Variants in SCN1A observed in about 807,000 individuals in gnomAD.
SCN1A encodes sodium channel protein type 1 subunit alpha.
SCN1A carries 13 observed loss-of-function variants against 193.7 expected under a neutral mutation model. The observed-to-expected ratio is 0.07, with a 90% CI of 0.04 to 0.11. The LOEUF (loss-of-function observed/expected upper bound fraction) is 0.11, where lower values mean the gene tolerates loss of function less well. Ranked by LOEUF, SCN1A falls within the 10% of genes least tolerant of loss-of-function variation. The pLI is 1.00. For missense variants in SCN1A, 1,432 were observed against 2,451.1 expected, an observed-to-expected ratio of 0.58 and a Z score of 8.78; for synonymous variants, 781 against 843.6, an observed-to-expected ratio of 0.93 and a Z score of 1.29.
chr2:166,070,866 T>C (rs926167420), intron 4 of SCN1A, among the ~76,000 whole-genome samples: 1 of 152,218 alleles, frequency 6.6e-6, no homozygotes, highest in African/African-American at 2.4e-5. Context: ...ATTCATTTAT[T>C]ATTTTACAAA....
chr2:166,000,881 C>G (rs901399986), intron 24 of SCN1A, among the ~76,000 whole-genome samples: 4 of 146,726 alleles, frequency 2.7e-5, no homozygotes, highest in Non-Finnish European at 6.0e-5. Flanking sequence ...AAATGTGAAG[C>G]AGTATTTTAG....
intron 2 of SCN1A, among the ~76,000 whole-genome samples, chr2:166,079,148 C>T (rs1467042642): frequency 6.6e-6 from 1 of 151,572 alleles, no homozygotes; most frequent in Non-Finnish European, 1.5e-5. Context: ...TGTAGACCTT[C>T]TATGTCTGTA....
chr2:166,018,478 G>T (rs1038762863), intron 19 of SCN1A, among the ~76,000 whole-genome samples: 2 of 151,936 alleles, frequency 1.3e-5, no homozygotes, highest in Admixed American at 6.6e-5. Flanking sequence ...TTAATATTCA[G>T]ATATTCATCT....
intron 2 of SCN1A, among the ~76,000 whole-genome samples, chr2:166,097,928 A>T (rs761077443): frequency 6.6e-6 from 1 of 152,228 alleles, no homozygotes; most frequent in African/African-American, 2.4e-5. Context: ...GAAAACTTTT[A>T]TCTAGATAAA....
At chr2:166,094,694 G>T (rs1471008427) in intron 2 of SCN1A, among the ~76,000 whole-genome samples, 1 of 151,506 alleles carries the variant, frequency 6.6e-6, no homozygotes, top group Admixed American at 6.6e-5. Context: ...GAGTAGAATA[G>T]AATTTAACAA....
rs774937055 is a variant in SCN1A, at chr2:166,046,954, G to C, written c.1193C>G (p.Thr398Arg). Reference protein sequence around the residue: ...YQLTLRAAGKTYMIFFVLVIF... With the variant: ...YQLTLRAAGKRYMIFFVLVIF... ...GACCAATACAAAAAATATCATGTAC[G>C]TTTTCCCAGCAGCACGTAATGTCTG... Residue 398 changes from threonine (T) to arginine (R), a missense_variant, in exon 12 of 29, where the codon ACG becomes AGG. Coordinates refer to ENST00000674923, the MANE Select transcript of SCN1A (RefSeq NM_001165963.4). The C allele has an allele frequency of 6.2e-7, 1 of 1,613,704 alleles. No individual in the cohort carries two copies. The highest frequency in any genetic ancestry group is 1.1e-5 in the South Asian group (1 of 91,064).
In SCN1A at chr2:165,999,686, A is replaced by G. The variant is rs776051696; in HGVS notation, c.4338+37T>C. On this transcript the variant is annotated intron_variant, in intron 25 of 28. Coordinates refer to ENST00000674923, the MANE Select transcript of SCN1A (RefSeq NM_001165963.4). ...TTCGATTAATTTTACCACCTGATCA[A>G]TATTGTAAAAAGACTTAGAATACAA... 3 of 1,386,554 alleles carry G rather than the reference A, an allele frequency of 2.2e-6. No homozygotes were observed. In the South Asian group the frequency reaches 3.5e-5, roughly 16 times the overall value. The allele number at this position is 1,386,554 out of a possible 1,614,324, so 85.9% of individuals were successfully genotyped here.
intron 2 of SCN1A, among the ~76,000 whole-genome samples, chr2:166,116,577 ATT>A (rs1689886790): frequency 3.7e-4 from 1 of 2,690 alleles, no homozygotes; most frequent in Admixed American, 0.017. Flanking sequence ...TAATCTGATA[ATT>A]CATCAGATTC....
chr2:165,994,066 G>A, intron 28 of SCN1A, 80 bp downstream of exon 28: 1 of 1,113,246 alleles, frequency 9.0e-7, no homozygotes, highest in Non-Finnish European at 1.3e-6. Flanking sequence ...CTGATTGCTG[G>A]GATGATCTTG....
intron 9 of SCN1A, 147 bp downstream of exon 9, chr2:166,051,572 G>T (rs1698555512): frequency 8.7e-6 from 5 of 576,264 alleles, no homozygotes; most frequent in Admixed American, 6.2e-5. Flanking sequence ...TATATATGGG[G>T]TACATGAGAT....
chr2:166,006,133 T>G (rs567136938), intron 23 of SCN1A, among the ~76,000 whole-genome samples: 42 of 151,448 alleles, frequency 2.8e-4, no homozygotes, highest in Non-Finnish European at 5.5e-4. Context: ...ATTCATGAAT[T>G]CTAGTGCTTC....
At chr2:166,062,044 A>C (rs1424157618) in intron 4 of SCN1A, among the ~76,000 whole-genome samples, 1 of 152,196 alleles carries the variant, frequency 6.6e-6, no homozygotes, top group African/African-American at 2.4e-5. Context: ...TTTACTGAAC[A>C]ACGGTATTTG....
At chr2:166,118,245 G>A (rs749713297) in intron 2 of SCN1A, among the ~76,000 whole-genome samples, 1 of 139,284 alleles carries the variant, frequency 7.2e-6, no homozygotes, top group African/African-American at 2.6e-5. Context: ...GAGATTTCAG[G>A]AAGAAAAATC....
chr2:166,039,998 C>T (rs1012788733), intron 16 of SCN1A, among the ~76,000 whole-genome samples: 7 of 146,354 alleles, frequency 4.8e-5, no homozygotes, highest in Non-Finnish European at 9.0e-5. Context: ...CATCTTGGCT[C>T]ACTGCAAGCT....
At position 166,045,055 on chromosome 2, in the gene SCN1A, G is replaced by A. The variant is rs2105850104; in HGVS notation, c.1650C>T (p.Ser550=). Residue 550 remains serine (S), a synonymous_variant, in exon 13 of 29, where the codon TCC becomes TCT. Coordinates refer to ENST00000674923, the MANE Select transcript of SCN1A (RefSeq NM_001165963.4). ...AGCAGTGCCATACCTGGTGTGGGGA[G>A]GAGTACCTCTTTTCATATGTCAATC... The part of the protein sequence containing the change: ...GNRLTYEKRY[S]SPHQSLLSIR... The A allele has an allele frequency of 6.2e-7, 1 of 1,614,066 alleles. No individual in the cohort carries two copies. Among genetic ancestry groups the A allele is most frequent in the Non-Finnish European group, 8.5e-7 (1 of 1,179,976 alleles).
At chr2:166,047,107 C>CT (rs202157655) in intron 11 of SCN1A, 131 bp from the exon 12 acceptor site, 799 of 970,592 alleles carry the variant, frequency 8.2e-4, no homozygotes, top group Middle Eastern at 1.4e-3. Flanking sequence ...GCACCCTGTA[C>CT]TTTTTTTTTA....
At chr2:166,056,353 GAC>G (rs1699125836) in intron 6 of SCN1A, 56 bp downstream of exon 6, 3 of 1,066,204 alleles carry the variant, frequency 2.8e-6, no homozygotes, top group East Asian at 2.4e-5. Context: ...ACTACATTAA[GAC>G]ACAGTTTCAA....
At chr2:166,047,821 C>T in intron 10 of SCN1A, 53 bp from the exon 11 acceptor site, 2 of 1,610,542 alleles carry the variant, frequency 1.2e-6, no homozygotes, top group Non-Finnish European at 1.7e-6. Context: ...CCTTTTTACT[C>T]TGATACTATG....
At chr2:166,006,681 C>A (rs111587168) in intron 23 of SCN1A, among the ~76,000 whole-genome samples, 97 of 151,092 alleles carry the variant, frequency 6.4e-4, no homozygotes, top group African/African-American at 2.3e-3. Context: ...TGAAAATAAC[C>A]CCATATGAAC....
Sources: gnomAD v4.1 joint callset for allele counts (sites outside exome capture counted in the v4.1 genomes callset) on GRCh38, gnomAD v4.1.1 for gene constraint, MANE v1.5 for transcripts, NCBI Gene and HGNC (gene_info 2026-07-23, HGNC 2026-07-21) for gene names.